Variants in METAP2 observed in about 807,000 individuals in gnomAD.
METAP2 encodes methionyl aminopeptidase 2.
A neutral mutation model predicts 59.4 loss-of-function variants in METAP2; 25 were observed. That is an observed-to-expected ratio of 0.42 (90% CI 0.31 to 0.59). METAP2 has a LOEUF of 0.59. Among genes scored for constraint, METAP2 ranks in the 20% least tolerant of loss-of-function variants. METAP2 has a pLI of 0.16. For synonymous variants in METAP2, 214 were observed against 194.1 expected, an observed-to-expected ratio of 1.10 and a Z score of -0.85; for missense variants, 366 against 581.2, an observed-to-expected ratio of 0.63 and a Z score of 3.81.
chr12:95,488,315 C>G (rs780898117), intron 4 of METAP2, among the ~76,000 whole-genome samples: 4 of 151,528 alleles, frequency 2.6e-5, no homozygotes, highest in African/African-American at 4.9e-5. Flanking sequence ...GCCTGGCCAA[C>G]ATGGTAAAAC....
intron 4 of METAP2, among the ~76,000 whole-genome samples, chr12:95,491,987 T>C (rs1201432480): frequency 6.6e-6 from 1 of 152,076 alleles, no homozygotes; most frequent in East Asian, 1.9e-4. Flanking sequence ...TTTTTTCTTT[T>C]TGTAGAGATG....
At chr12:95,513,467 TCAGCTGC>T (rs1301279736) in intron 10 of METAP2, among the ~76,000 whole-genome samples, 178 bp from the exon 11 acceptor site, 4 of 152,234 alleles carry the variant, frequency 2.6e-5, no homozygotes, top group Non-Finnish European at 5.9e-5. Flanking sequence ...GGTGTCCTAT[TCAGCTGC>T]CATCTATAAT....
intron 8 of METAP2, among the ~76,000 whole-genome samples, chr12:95,507,904 G>A (rs368925585): frequency 1.3e-5 from 2 of 149,966 alleles, no homozygotes; most frequent in South Asian, 2.1e-4. Flanking sequence ...TCAGCCTCCC[G>A]AGTAGCTGGG....
In METAP2 at chr12:95,486,643, A is replaced by G. The variant is rs375955756; in HGVS notation, c.428+662A>G. On this transcript the variant is annotated intron_variant, in intron 4 of 10. Transcript: ENST00000323666. ...CTCCCGAGTAGCTGAGATTACACGC[A>G]TGCACCACCATGCCTGGCTAATTTT... Among the ~76,000 whole-genome samples, 343 of 152,032 alleles carry G rather than the reference A, an allele frequency of 2.3e-3. 2 individuals are homozygous for G. The highest frequency in any genetic ancestry group is 7.5e-3 in the African/African-American group (312 of 41,466).
chr12:95,507,516 T>G (rs1047598397), intron 8 of METAP2, among the ~76,000 whole-genome samples: 32 of 152,278 alleles, frequency 2.1e-4, no homozygotes, highest in African/African-American at 7.7e-4. Context: ...CCTATTCTTA[T>G]GTTTTTATCT....
intron 3 of METAP2, among the ~76,000 whole-genome samples, chr12:95,485,474 GTT>G (rs1053877736): frequency 1.6e-4 from 24 of 151,834 alleles, no homozygotes; most frequent in Admixed American, 1.2e-3. Context: ...TGAAATAATA[GTT>G]TTTCTTATTT....
chr12:95,501,979 C>CT (rs1310206598), intron 7 of METAP2, among the ~76,000 whole-genome samples: 8 of 145,236 alleles, frequency 5.5e-5, no homozygotes, highest in African/African-American at 1.5e-4. Flanking sequence ...TTCCCCCTCA[C>CT]TTTTTTTTTA....
At chr12:95,496,821 CTTTTTTTTT>C (rs777002045) in intron 7 of METAP2, among the ~76,000 whole-genome samples, 1 of 100,936 alleles carries the variant, frequency 9.9e-6, no homozygotes, top group Non-Finnish European at 1.9e-5. Context: ...CTTTTTCTTT[CTTTTTTTTT>C]TTTTTTTTTT....
chr12:95,506,744 A>G lies in METAP2; in HGVS notation c.964+2583A>G, dbSNP rs572898242. ...AACTTCTTTGTTATTTGATTTTCAGATATTCTCTTTAAGATCTCTAATCCT... is the reference window on the plus strand; with the variant it reads ...AACTTCTTTGTTATTTGATTTTCAGGTATTCTCTTTAAGATCTCTAATCCT... On this transcript the variant is annotated intron_variant, in intron 8 of 10. Transcript: ENST00000323666. Among the ~76,000 whole-genome samples the G allele has an allele frequency of 5.3e-5, 8 of 152,008 alleles. No homozygotes were observed. The East Asian group carries it at 1.5e-3, about 29-fold the overall frequency.
At chr12:95,493,516 G>A (rs765233192) in intron 4 of METAP2, among the ~76,000 whole-genome samples, 1 of 152,152 alleles carries the variant, frequency 6.6e-6, no homozygotes, top group Non-Finnish European at 1.5e-5. Flanking sequence ...TAAAATGTGA[G>A]CCATGTCTTT....
chr12:95,477,503 G>C (rs1038225442), intron 2 of METAP2, among the ~76,000 whole-genome samples: 9 of 152,176 alleles, frequency 5.9e-5, no homozygotes, highest in African/African-American at 2.2e-4. Flanking sequence ...CTGGGTGTTT[G>C]GGTACAATAA....
chr12:95,505,828 C>T (rs2076354819), intron 8 of METAP2, among the ~76,000 whole-genome samples: 1 of 151,208 alleles, frequency 6.6e-6, no homozygotes, highest in African/African-American at 2.4e-5. Flanking sequence ...GACGTGGTGG[C>T]TCACGCCTGT....
chr12:95,489,524 C>CA (rs1347034563), intron 4 of METAP2, among the ~76,000 whole-genome samples: 2 of 152,128 alleles, frequency 1.3e-5, no homozygotes, highest in African/African-American at 4.8e-5. Context: ...TGACTATTTG[C>CA]AAATAGATCA....
At chr12:95,481,182 C>T (rs2076155829) in intron 2 of METAP2, among the ~76,000 whole-genome samples, 1 of 152,162 alleles carries the variant, frequency 6.6e-6, no homozygotes, top group Non-Finnish European at 1.5e-5. Flanking sequence ...CCTATAATCC[C>T]AGCACTTTGG....
intron 4 of METAP2, among the ~76,000 whole-genome samples, chr12:95,488,968 G>GT (rs2140146376): frequency 1.3e-5 from 2 of 152,166 alleles, no homozygotes; most frequent in African/African-American, 4.8e-5. Flanking sequence ...AAAATTGACA[G>GT]TTTATCACCT....
intron 8 of METAP2, among the ~76,000 whole-genome samples, chr12:95,506,606 G>GT (rs2076362481): frequency 6.6e-6 from 1 of 151,796 alleles, no homozygotes; most frequent in African/African-American, 2.4e-5. Context: ...GCCTATATAT[G>GT]TTTTTTGATA....
At chr12:95,474,403 G>A (rs1387186580) in intron 1 of METAP2, 73 bp downstream of exon 1, 3 of 1,525,694 alleles carry the variant, frequency 2.0e-6, no homozygotes, top group African/African-American at 2.8e-5. Flanking sequence ...CCGTTGAGGG[G>A]GCCGGGACCG....
At chr12:95,488,812 C>T (rs1594419083) in intron 4 of METAP2, among the ~76,000 whole-genome samples, 2 of 152,012 alleles carry the variant, frequency 1.3e-5, no homozygotes, top group Non-Finnish European at 1.5e-5. Flanking sequence ...TAGGCTAATA[C>T]TATTTTGATT....
chr12:95,508,757 T>C (rs889071850), intron 8 of METAP2, among the ~76,000 whole-genome samples: 4 of 152,320 alleles, frequency 2.6e-5, no homozygotes, highest in African/African-American at 9.6e-5. Flanking sequence ...AGTCACTGCA[T>C]AATAATTCCA....
Sources: gnomAD v4.1 joint callset for allele counts (sites outside exome capture counted in the v4.1 genomes callset) on GRCh38, gnomAD v4.1.1 for gene constraint, MANE v1.5 for transcripts, NCBI Gene and HGNC (gene_info 2026-07-23, HGNC 2026-07-21) for gene names.